WARS1: variants seen among roughly 807,000 people sequenced by gnomAD.
The protein encoded by WARS1 is tryptophanyl-tRNA synthetase 1.
A neutral mutation model predicts 47.8 loss-of-function variants in WARS1; 17 were observed. The observed-to-expected ratio is 0.36, with a 90% CI of 0.24 to 0.53. The LOEUF (loss-of-function observed/expected upper bound fraction) is 0.53. WARS1 is among the 20% of genes least tolerant of loss of function. The pLI is 0.91. For missense variants in WARS1, 434 were observed against 608.0 expected, an observed-to-expected ratio of 0.71 and a Z score of 3.01; for synonymous variants, 208 against 228.1, an observed-to-expected ratio of 0.91 and a Z score of 0.79.
At chr14:100,376,270 C>A (rs1164093724), upstream of WARS1, 53 of 706,388 alleles carry the variant, frequency 7.5e-5, no homozygotes, top group Middle Eastern at 4.6e-4. Flanking sequence ...CCTGCCCAGC[C>A]GGGCCAGTCA....
At chr14:100,340,017 T>A (rs1025081638) in intron 9 of WARS1, 2 of 152,132 alleles carry the variant, frequency 1.3e-5, no homozygotes, top group Non-Finnish European at 2.9e-5. Flanking sequence ...TGACATGCAT[T>A]TTATCCCCAA....
intron 6 of WARS1, among the ~76,000 whole-genome samples, chr14:100,349,952 T>C (rs1894861920): frequency 6.6e-6 from 1 of 152,250 alleles, no homozygotes; most frequent in African/African-American, 2.4e-5. Flanking sequence ...TAGAAGAAAC[T>C]CTTAAAGTAA....
chr14:100,335,753 A>C (rs180847060), intron 10 of WARS1, among the ~76,000 whole-genome samples: 1 of 152,288 alleles, frequency 6.6e-6, no homozygotes, highest in African/African-American at 2.4e-5. Flanking sequence ...TAAAGTACCC[A>C]AACCACAAAG....
At chr14:100,342,320 A>G (rs1354749666) in intron 9 of WARS1, 78 bp downstream of exon 9, 1 of 1,582,604 alleles carries the variant, frequency 6.3e-7, no homozygotes, top group Non-Finnish European at 8.7e-7. Context: ...AGCACTGCGC[A>G]GTGGTGTGTG....
chr14:100,357,006 G>A (rs1410998641), intron 4 of WARS1, among the ~76,000 whole-genome samples: 3 of 152,086 alleles, frequency 2.0e-5, no homozygotes, highest in Non-Finnish European at 4.4e-5. Context: ...GATTAAACAC[G>A]CAAAAACCTA....
chr14:100,360,997 GTATA>G (rs150819452), intron 3 of WARS1, among the ~76,000 whole-genome samples: 3 of 150,258 alleles, frequency 2.0e-5, no homozygotes, highest in Admixed American at 2.0e-4. Flanking sequence ...ATATAAATAG[GTATA>G]TATATATATA....
chr14:100,346,955 G>C (rs774388137), intron 6 of WARS1, 109 bp from the exon 7 acceptor site: 38 of 944,048 alleles, frequency 4.0e-5, no homozygotes, highest in Non-Finnish European at 2.7e-5. Context: ...GGCCAGACTC[G>C]GGGCCACATT....
At chr14:100,364,501 G>A (rs1895838653) in intron 2 of WARS1, among the ~76,000 whole-genome samples, 1 of 152,214 alleles carries the variant, frequency 6.6e-6, no homozygotes, top group African/African-American at 2.4e-5. Flanking sequence ...TTTGCTAAAA[G>A]TTAATTTTTA....
rs1041092223 is a variant in WARS1, at chr14:100,371,132, T to G, written c.-73-1874A>C. ...CATTTATTTTACTCTATCCTATCCA[T>G]TTGTTAAATATTTGCTTTAAAAGTA... On this transcript the variant is annotated intron_variant, in intron 1 of 10. Transcript: ENST00000392882. 2.0e-5 allele frequency among the ~76,000 whole-genome samples: 3 copies of G among 152,128 alleles called. 1 individual carries two copies. The highest frequency in any genetic ancestry group is 4.4e-5 in the Non-Finnish European group (3 of 68,006).
intron 7 of WARS1, among the ~76,000 whole-genome samples, chr14:100,344,620 T>A (rs1039381771): frequency 8.6e-5 from 12 of 140,014 alleles, no homozygotes; most frequent in Middle Eastern, 8.1e-3. Context: ...CCGGCCGCCA[T>A]CCCATCTAGG....
In WARS1 at chr14:100,360,610, T is replaced by G; in HGVS notation, c.366A>C (p.Arg122Ser). The change falls in exon 4 of 11, where the codon AGA becomes AGC. Residue 122 changes from arginine to serine, a missense_variant. By Grantham distance (110) the Arg-to-Ser change is moderately radical. This residue lies in a region of WARS1 where 347 missense variants were observed against 523.8 expected (regional missense o/e 0.66). Coordinates refer to ENST00000392882, the MANE Select transcript of WARS1 (RefSeq NM_004184.4). The stretch of plus-strand genomic sequence containing the variant: ...AGTGGTGTGGTCTTTGGCCGGTGGC[T>G]CTCTCTATTCGGTTTATTAGCTCTT... ...IDKELINRIE[R>S]ATGQRPHHFL... 1.2e-6 allele frequency: 2 copies of G among 1,613,964 alleles called. No homozygotes were observed. Among genetic ancestry groups the G allele is most frequent in the Non-Finnish European group, 1.7e-6 (2 of 1,179,872 alleles).
At chr14:100,375,992 G>C (rs1003366199), upstream of WARS1, 1 of 153,114 alleles carries the variant, frequency 6.5e-6, no homozygotes, top group Non-Finnish European at 1.5e-5. Context: ...AAAAATGGGG[G>C]CCTCTCTCCT....
rs78919453 is a variant in WARS1 at position 100,365,870 on chromosome 14, T to A, written c.99+3217A>T. The A allele has an allele frequency of 6.7e-3, 2,448 of 366,938 alleles. 59 individuals carry two copies. Among genetic ancestry groups the A allele is most frequent in the African/African-American group, 0.048 (2,294 of 47,402 alleles). 22.7% of individuals were successfully genotyped at this position (366,938 alleles called of 1,614,324 possible). A position where few individuals can be genotyped will look rare whatever the true frequency, so the allele number is the denominator to read the frequency against. On this transcript the variant is annotated intron_variant, in intron 2 of 10. Coordinates refer to ENST00000392882, the MANE Select transcript of WARS1 (RefSeq NM_004184.4). ...TGAGAGAAAAACAAATGCTAAGACA[T>A]CATGGAAATACTGGAAGGTGACCGA...
chr14:100,342,248 G>T, intron 9 of WARS1, 150 bp downstream of exon 9: 2 of 1,058,432 alleles, frequency 1.9e-6, no homozygotes, highest in Non-Finnish European at 1.4e-6. Flanking sequence ...AGTTCTGCAG[G>T]GAGCAAAGTT....
intron 9 of WARS1, among the ~76,000 whole-genome samples, 153 bp from the exon 10 acceptor site, chr14:100,337,355 C>G (rs1263851016): frequency 6.6e-6 from 1 of 152,136 alleles, no homozygotes; most frequent in African/African-American, 2.4e-5. Context: ...TGGGGGCGCA[C>G]AGCCAGTGGG....
chr14:100,343,235 T>C, intron 8 of WARS1, 40 bp downstream of exon 8: 1 of 1,535,318 alleles, frequency 6.5e-7, no homozygotes, highest in Non-Finnish European at 8.9e-7. Flanking sequence ...CTGCTGTCAA[T>C]GCCCCAGACT....
intron 1 of WARS1, among the ~76,000 whole-genome samples, chr14:100,371,662 G>A (rs1896359089): frequency 6.6e-6 from 1 of 152,072 alleles, no homozygotes; most frequent in African/African-American, 2.4e-5. Flanking sequence ...TTGAACCTGG[G>A]AGGCAGAGGT....
chr14:100,357,514 T>C (rs1025829719), intron 4 of WARS1, among the ~76,000 whole-genome samples: 2 of 151,490 alleles, frequency 1.3e-5, no homozygotes, highest in African/African-American at 4.9e-5. Context: ...CGGGCTGGAG[T>C]GCAATGGCAC....
intron 5 of WARS1, chr14:100,354,158 G>A: frequency 4.0e-6 from 2 of 505,836 alleles, no homozygotes; most frequent in Non-Finnish European, 7.0e-6. Context: ...TTGCAGATGT[G>A]GAAACTTAGG....
Sources: gnomAD v4.1 joint callset for allele counts (sites outside exome capture counted in the v4.1 genomes callset) on GRCh38, gnomAD v4.1.1 for gene constraint, gnomAD v4.1.1 regional missense constraint, MANE v1.5 for transcripts, NCBI Gene and HGNC (gene_info 2026-07-23, HGNC 2026-07-21) for gene names.